Variants in PACC1 observed in about 807,000 individuals in gnomAD.
The protein encoded by PACC1 is proton activated chloride channel 1, also known as proton-activated chloride channel.
In PACC1, 34 loss-of-function variants were observed where a neutral mutation model predicts 39.7. The observed-to-expected ratio is 0.86, with a 90% CI of 0.65 to 1.14. The LOEUF (loss-of-function observed/expected upper bound fraction) is 1.14. Ranked by LOEUF, PACC1 falls within the 50% of genes most tolerant of loss-of-function variation. The pLI is 0.00. For missense variants in PACC1, 379 were observed against 436.4 expected, an observed-to-expected ratio of 0.87 and a Z score of 1.17; for synonymous variants, 127 against 160.6, an observed-to-expected ratio of 0.79 and a Z score of 1.58.
intron 1 of PACC1, among the ~76,000 whole-genome samples, chr1:212,412,203 G>A (rs1328598340): frequency 6.6e-6 from 1 of 152,042 alleles, no homozygotes; most frequent in Non-Finnish European, 1.5e-5. Context: ...GCTGGTGAAG[G>A]CACCAAGAGA....
chr1:212,396,548 C>T (rs1661525052), intron 2 of PACC1, among the ~76,000 whole-genome samples: 1 of 151,192 alleles, frequency 6.6e-6, no homozygotes, highest in Non-Finnish European at 1.5e-5. Flanking sequence ...AACAAACCTG[C>T]ATTGCGCACA....
At chr1:212,373,763 A>T (rs957668761) in intron 7 of PACC1, among the ~76,000 whole-genome samples, 2 of 152,192 alleles carry the variant, frequency 1.3e-5, no homozygotes, top group Non-Finnish European at 2.9e-5. Flanking sequence ...GCTCAACAAC[A>T]CTAATCAATC....
intron 2 of PACC1, among the ~76,000 whole-genome samples, chr1:212,391,987 G>A (rs922972750): frequency 5.2e-4 from 79 of 152,282 alleles, no homozygotes; most frequent in Non-Finnish European, 6.9e-4. Context: ...TGAAAGTGAC[G>A]GGGAGAATGG....
At chr1:212,371,698 A>G (rs1476664891) in intron 7 of PACC1, among the ~76,000 whole-genome samples, 2 of 152,176 alleles carry the variant, frequency 1.3e-5, no homozygotes, top group African/African-American at 4.8e-5. Flanking sequence ...TTACCCTGAT[A>G]CCAAAACAAG....
chr1:212,404,365 C>CA (rs1327740664), intron 2 of PACC1, among the ~76,000 whole-genome samples: 3 of 152,096 alleles, frequency 2.0e-5, no homozygotes, highest in Non-Finnish European at 4.4e-5. Context: ...CTCAGCCTCC[C>CA]AAAGTGCTGG....
chr1:212,380,124 C>T, intron 4 of PACC1, 87 bp from the exon 5 acceptor site: 1 of 1,420,960 alleles, frequency 7.0e-7, no homozygotes, highest in Non-Finnish European at 9.6e-7. Flanking sequence ...GACTGGAAAG[C>T]CCATAGCTCC....
rs547971728 is a variant in PACC1 at position 212,386,262 on chromosome 1, T to G, written c.343+629A>C. ...GGGCCCAAGTCACACAGCTCATGCC[T>G]CCTCATTTACTCTACAGCCCCTAGA... On this transcript the variant is annotated intron_variant, in intron 3 of 7. Coordinates refer to ENST00000261455, the MANE Select transcript of PACC1 (RefSeq NM_018252.3). This position sits in a 1 kb window ranked among gnomAD's most constrained non-coding sequence, Gnocchi z 5.0. Among the ~76,000 whole-genome samples, 1 of 152,120 alleles carries G rather than the reference T, an allele frequency of 6.6e-6. No individual in the cohort carries two copies. The highest frequency in any genetic ancestry group is 2.1e-4 in the South Asian group (1 of 4,820).
chr1:212,385,412 G>A lies in PACC1; in HGVS notation c.357C>T (p.Tyr119=). 1 of 1,614,030 alleles carries A rather than the reference G, an allele frequency of 6.2e-7. No individual in the cohort carries two copies. Among genetic ancestry groups the A allele is most frequent in the South Asian group, 1.1e-5 (1 of 91,072 alleles). The part of the protein sequence containing the change: ...DRYDAPGIAL[Y]PGQAQLLSCK... ...AGCTGAGCAACTGGGCCTGACCGGG[G>A]TACAAGGCAATACCTGGGGGCACAA... Residue 119 remains tyrosine, a synonymous_variant, in exon 4 of 8, where the codon TAC becomes TAT. Transcript: ENST00000261455.
chr1:212,399,896 G>A (rs1481582750), intron 2 of PACC1, among the ~76,000 whole-genome samples: 3 of 151,710 alleles, frequency 2.0e-5, no homozygotes, highest in African/African-American at 7.3e-5. Context: ...CCAAGCTAGA[G>A]TGCAATGGTG....
intron 7 of PACC1, among the ~76,000 whole-genome samples, chr1:212,373,794 C>CA (rs1660547066): frequency 6.6e-6 from 1 of 151,964 alleles, no homozygotes; most frequent in African/African-American, 2.4e-5. Context: ...AAACCAAATC[C>CA]AAAATAAGGT....
intron 1 of PACC1, among the ~76,000 whole-genome samples, chr1:212,411,559 G>A (rs1662127869): frequency 6.6e-6 from 1 of 152,172 alleles, no homozygotes; most frequent in South Asian, 2.1e-4. Context: ...AGTCTCTGTA[G>A]GATTAAGGAG....
chr1:212,399,693 C>T (rs1661646218), intron 2 of PACC1, among the ~76,000 whole-genome samples: 1 of 152,162 alleles, frequency 6.6e-6, no homozygotes, highest in Non-Finnish European at 1.5e-5. Context: ...CAGGCACATG[C>T]CACCATGCCC....
chr1:212,407,919 A>T (rs1289830739), intron 2 of PACC1, among the ~76,000 whole-genome samples: 5 of 152,028 alleles, frequency 3.3e-5, no homozygotes, highest in Admixed American at 3.3e-4. Context: ...TACTAAAAAT[A>T]AAAAAGTAGC....
intron 2 of PACC1, among the ~76,000 whole-genome samples, chr1:212,394,159 C>T (rs1661429098): frequency 6.6e-6 from 1 of 152,198 alleles, no homozygotes; most frequent in South Asian, 2.1e-4. Context: ...GACCAATATC[C>T]CTGATGAACA....
At chr1:212,407,150 G>T (rs987638388) in intron 2 of PACC1, among the ~76,000 whole-genome samples, 2 of 152,210 alleles carry the variant, frequency 1.3e-5, no homozygotes, top group Non-Finnish European at 2.9e-5. Flanking sequence ...GGGTTACCTG[G>T]GTGGGCCCGA....
chr1:212,407,066 G>A (rs1207575500), intron 2 of PACC1, among the ~76,000 whole-genome samples: 1 of 152,204 alleles, frequency 6.6e-6, no homozygotes, highest in African/African-American at 2.4e-5. Context: ...CAAGTTGCAT[G>A]GAAAAGGGGA....
At chr1:212,377,174 C>T (rs1445925708) in intron 6 of PACC1, among the ~76,000 whole-genome samples, 1 of 152,202 alleles carries the variant, frequency 6.6e-6, no homozygotes, top group Non-Finnish European at 1.5e-5. Context: ...AAAGGATCAA[C>T]ATGCACACTT....
rs773026683 is a variant in PACC1 at position 212,375,158 on chromosome 1, T to C, written c.891+35A>G. On this transcript the variant is annotated intron_variant, in intron 7 of 7. Coordinates refer to ENST00000261455, the MANE Select transcript of PACC1 (RefSeq NM_018252.3). ...ATAATCTTAAATAATACTATCATAATCTTAAATAATACTATCATAATCTTA... is the reference window on the plus strand; with the variant it reads ...ATAATCTTAAATAATACTATCATAACCTTAAATAATACTATCATAATCTTA... 1.7e-5 allele frequency: 25 copies of C among 1,463,560 alleles called. 1 individual carries two copies. The South Asian group carries it at 2.7e-4, about 16-fold the overall frequency. 90.7% of individuals were successfully genotyped at this position (1,463,560 alleles called of 1,614,324 possible).
At chr1:212,375,571 AGG>A (rs2102477228) in intron 6 of PACC1, among the ~76,000 whole-genome samples, 1 of 152,294 alleles carries the variant, frequency 6.6e-6, no homozygotes, top group East Asian at 1.9e-4. Flanking sequence ...ATTTGTCACT[AGG>A]TATCTGTACT....
Sources: allele counts gnomAD v4.1 joint callset (sites outside exome capture counted in the v4.1 genomes callset), GRCh38; gene constraint gnomAD v4.1.1; non-coding constraint Gnocchi (gnomAD v3.1); transcripts MANE v1.5; gene names NCBI Gene and HGNC (gene_info 2026-07-23, HGNC 2026-07-21).